LARGE1: variants seen among roughly 807,000 people sequenced by gnomAD.
LARGE1 encodes xylosyl- and glucuronyltransferase LARGE1.
Under a neutral mutation model 87.6 loss-of-function variants are expected in LARGE1, and 43 were observed. That is an observed-to-expected ratio of 0.49 (90% CI 0.38 to 0.63). The LOEUF is 0.63. Ranked by LOEUF, LARGE1 falls within the 30% of genes least tolerant of loss-of-function variation. The probability of loss-of-function intolerance (pLI) is 0.00; values close to 1 mark genes in which losing one functional copy is unlikely to be tolerated. For missense variants in LARGE1, 802 were observed against 1,000.2 expected (o/e 0.80, Z 2.67); for synonymous variants, 434 against 394.6 (o/e 1.10, Z -1.18).
chr22:33,408,332 T>C (rs974618536), intron 7 of LARGE1, among the ~76,000 whole-genome samples: 5 of 152,114 alleles, frequency 3.3e-5, no homozygotes, highest in Admixed American at 1.3e-4. Context: ...ACATAATTGT[T>C]TTGAGTAATT....
rs558509386 is a variant in LARGE1 at position 33,504,491 on chromosome 22, C to T, written c.787+60357G>A. 2.4e-4 allele frequency among the ~76,000 whole-genome samples: 36 copies of T among 152,316 alleles called. No homozygotes were observed. The East Asian group carries it at 6.9e-3, about 29-fold the overall frequency. On this transcript the variant is annotated intron_variant, in intron 6 of 14. Transcript: ENST00000397394. ...GCCAGGCTGGTCTCAAACTCCTGAC[C>T]TCAGGTGATCCACCCGCCTCGGCCT... is the stretch of plus-strand genomic sequence containing the variant.
the LARGE1 span, among the ~76,000 whole-genome samples, chr22:33,082,886 G>T: frequency 2.0e-5 from 3 of 152,062 alleles, no homozygotes; most frequent in Non-Finnish European, 4.4e-5. Flanking sequence ...TTAGCCGGGC[G>T]TGGTGGCGGG....
intron 1 of LARGE1, among the ~76,000 whole-genome samples, chr22:33,803,572 T>A (rs993946980): frequency 5.3e-5 from 8 of 152,152 alleles, no homozygotes; most frequent in African/African-American, 1.4e-4. Context: ...ACTTACAGCA[T>A]CTCATGGCTA....
At chr22:33,465,846 C>T (rs2068585710) in intron 6 of LARGE1, among the ~76,000 whole-genome samples, 1 of 152,180 alleles carries the variant, frequency 6.6e-6, no homozygotes, top group Admixed American at 6.5e-5. Context: ...TCTCTCTCAC[C>T]AATGGCATCC....
intron 7 of LARGE1, among the ~76,000 whole-genome samples, chr22:33,404,364 A>G (rs1405735805): frequency 6.6e-6 from 1 of 152,214 alleles, no homozygotes; most frequent in East Asian, 1.9e-4. Context: ...AAAATTAAAT[A>G]AGATCATAAT....
intron 5 of LARGE1, among the ~76,000 whole-genome samples, chr22:33,568,975 CAGG>C (rs2078114381): frequency 6.6e-6 from 1 of 152,044 alleles, no homozygotes; most frequent in Non-Finnish European, 1.5e-5. Context: ...CAGAATTTGC[CAGG>C]AGAAGGTTTG....
chr22:33,616,651 T>G (rs982482865), intron 4 of LARGE1, among the ~76,000 whole-genome samples: 4 of 152,154 alleles, frequency 2.6e-5, no homozygotes, highest in Admixed American at 1.3e-4. Flanking sequence ...AATGAAGAAC[T>G]GATACATGCT....
At chr22:33,457,472 A>G (rs1046371401) in intron 6 of LARGE1, among the ~76,000 whole-genome samples, 2 of 151,664 alleles carry the variant, frequency 1.3e-5, no homozygotes, top group Non-Finnish European at 2.9e-5. Context: ...TGTATTTCTT[A>G]ATTCAATAAA....
intron 6 of LARGE1, among the ~76,000 whole-genome samples, chr22:33,445,796 C>A (rs2147865234): frequency 6.6e-6 from 1 of 152,152 alleles, no homozygotes; most frequent in African/African-American, 2.4e-5. Flanking sequence ...ATTATAGGCG[C>A]CTGCCACCAT....
chr22:33,267,960 A>ATT (rs397940812), downstream of LARGE1, among the ~76,000 whole-genome samples: 19 of 145,736 alleles, frequency 1.3e-4, 1 homozygote, highest in African/African-American at 4.6e-4. Context: ...AAATTCAAGA[A>ATT]TTTTTTTTTT....
chr22:33,640,018 G>A (rs771572626), intron 3 of LARGE1, among the ~76,000 whole-genome samples: 2 of 152,146 alleles, frequency 1.3e-5, no homozygotes, highest in African/African-American at 4.8e-5. Flanking sequence ...AATGCTTTTC[G>A]GAGCCCAGAG....
At chr22:33,686,560 A>G (rs484115) in intron 2 of LARGE1, among the ~76,000 whole-genome samples, 86,351 of 132,358 alleles carry the variant, frequency 0.65, 29,535 homozygotes, top group Middle Eastern at 0.7. Context: ...AAAAAAAAAA[A>G]AAAAAACAAA....
intron 12 of LARGE1, among the ~76,000 whole-genome samples, chr22:33,285,364 G>A (rs1013918895): frequency 8.5e-5 from 13 of 152,286 alleles, no homozygotes; most frequent in African/African-American, 2.4e-4. Flanking sequence ...GGTGGCTCAC[G>A]CCTGTAATCC....
At chr22:33,695,439 C>T (rs2082214495) in intron 2 of LARGE1, among the ~76,000 whole-genome samples, 1 of 152,134 alleles carries the variant, frequency 6.6e-6, no homozygotes, top group African/African-American at 2.4e-5. Flanking sequence ...AGGTACCACA[C>T]ATCCTAAGAT....
At chr22:33,876,338 G>A (rs552331970) in intron 1 of LARGE1, among the ~76,000 whole-genome samples, 37 of 152,126 alleles carry the variant, frequency 2.4e-4, no homozygotes, top group African/African-American at 8.7e-4. Flanking sequence ...AATCAGGAGA[G>A]CAGATACCCT....
chr22:33,665,764 C>T (rs1376798963), intron 2 of LARGE1, among the ~76,000 whole-genome samples: 13 of 151,888 alleles, frequency 8.6e-5, no homozygotes, highest in Admixed American at 8.5e-4. Context: ...TGGTGGTGGG[C>T]GCCTGTAGTC....
chr22:33,182,317 T>G (rs995389503), intron 11 of LARGE1, among the ~76,000 whole-genome samples: 2 of 152,214 alleles, frequency 1.3e-5, no homozygotes, highest in Non-Finnish European at 2.9e-5. Flanking sequence ...AATTTTGAAC[T>G]AAAAACTTTT....
chr22:33,709,720 G>C (rs2082671805), intron 2 of LARGE1, among the ~76,000 whole-genome samples: 1 of 151,402 alleles, frequency 6.6e-6, no homozygotes, highest in Non-Finnish European at 1.5e-5. Context: ...CCACCTCCCG[G>C]GTTCACACCA....
intron 11 of LARGE1, among the ~76,000 whole-genome samples, chr22:33,224,243 G>T (rs747129295): frequency 1.3e-4 from 19 of 151,956 alleles, no homozygotes; most frequent in Non-Finnish European, 1.3e-4. Context: ...TCCAGCCTGG[G>T]TGACAGAGCA....
Sources: allele counts gnomAD v4.1 joint callset (sites outside exome capture counted in the v4.1 genomes callset), GRCh38; gene constraint gnomAD v4.1.1; transcripts MANE v1.5; gene names NCBI Gene and HGNC (gene_info 2026-07-23, HGNC 2026-07-21).